Variants in GYS2 observed in about 807,000 individuals in gnomAD.
The protein encoded by GYS2 is glycogen synthase 2.
In GYS2, 80 loss-of-function variants were observed where a neutral mutation model predicts 85.6. The observed-to-expected ratio is 0.93, with a 90% CI of 0.78 to 1.13. GYS2 has a LOEUF of 1.13. Among genes scored for constraint, GYS2 ranks in the 50% most tolerant of loss-of-function variants. GYS2 has a pLI of 0.00. For missense variants in GYS2, 881 were observed against 854.9 expected, an observed-to-expected ratio of 1.03 and a Z score of -0.38; for synonymous variants, 328 against 300.7, an observed-to-expected ratio of 1.09 and a Z score of -0.94.
chr12:21,561,996 T>C (rs542499139), intron 7 of GYS2, among the ~76,000 whole-genome samples: 114 of 152,356 alleles, frequency 7.5e-4, no homozygotes, highest in African/African-American at 2.4e-3. Flanking sequence ...CCTGTGAATA[T>C]TTTCCTATTA....
At position 21,556,245 on chromosome 12, in the gene GYS2, C is replaced by T. The variant is rs1345704622; in HGVS notation, c.1422+1955G>A. 4.6e-5 allele frequency among the ~76,000 whole-genome samples: 7 copies of T among 152,048 alleles called. No homozygotes were observed. In the East Asian group the frequency reaches 1.4e-3, roughly 29 times the overall value. On this transcript the variant is annotated intron_variant, in intron 11 of 15. Coordinates refer to ENST00000261195, the MANE Select transcript of GYS2 (RefSeq NM_021957.4). ...CCATGCTGGAGGGCAGTGGCACAAT[C>T]GCAGCCTCTACCTCCAGGGCCCAAG...
Position 21,546,369 on chromosome 12 carries a change from G to A in GYS2, c.1524C>T (p.Tyr508=). 1.9e-6 allele frequency: 3 copies of A among 1,603,276 alleles called. No individual in the cohort carries two copies. The highest frequency in any genetic ancestry group is 2.6e-6 in the Non-Finnish European group (3 of 1,170,676). The part of the protein sequence containing the change: ...RGCHLGVFPS[Y]YEPWGYTPAE... ...CTGGAGTATAACCCCAGGGTTCATAGTATGATGGAAATACTCCAAGATGAC... is the reference window on the plus strand; with the variant it reads ...CTGGAGTATAACCCCAGGGTTCATAATATGATGGAAATACTCCAAGATGAC... The change falls in exon 12 of 16, where the codon TAC becomes TAT. Residue 508 remains tyrosine (Y), a synonymous_variant. Transcript: ENST00000261195.
chr12:21,537,017 T>G lies in GYS2; in HGVS notation c.2049A>C (p.Ser683=). 12 of 1,614,062 alleles carry G rather than the reference T, an allele frequency of 7.4e-6. No individual in the cohort carries two copies. The highest frequency in any genetic ancestry group is 1.0e-5 in the Non-Finnish European group (12 of 1,179,954). ...EAERDRLNIK[S]PFSLSHVPHG... ...GAGGAACGTGGCTCAGTGAAAATGG[T>G]GACTTGATATTTAACCGATCCCTTT... The change falls in exon 16 of 16, where the codon TCA becomes TCC. Residue 683 remains serine (S), a synonymous_variant. Coordinates refer to ENST00000261195, the MANE Select transcript of GYS2 (RefSeq NM_021957.4).
chr12:21,578,390 A>G (rs959799103), intron 2 of GYS2, among the ~76,000 whole-genome samples: 13 of 152,192 alleles, frequency 8.5e-5, no homozygotes, highest in African/African-American at 2.9e-4. Context: ...CCATTGCATG[A>G]ATGGTCAAAT....
chr12:21,549,569 G>C (rs2169745), intron 11 of GYS2, among the ~76,000 whole-genome samples: 108,893 of 152,136 alleles, frequency 0.72, 39,842 homozygotes, highest in South Asian at 0.8. Context: ...TTGTCACATC[G>C]CTTTAGAGTC....
chr12:21,573,766 T>C (rs1470490602), intron 4 of GYS2, among the ~76,000 whole-genome samples: 6 of 152,216 alleles, frequency 3.9e-5, no homozygotes, highest in Admixed American at 3.9e-4. Context: ...ATGTCTCAAA[T>C]CTCAATTATC....
intron 1 of GYS2, among the ~76,000 whole-genome samples, chr12:21,592,374 G>C (rs1417171791): frequency 6.6e-6 from 1 of 151,990 alleles, no homozygotes; most frequent in African/African-American, 2.4e-5. Context: ...ACAAAAATAT[G>C]ACCCAGTTGT....
At chr12:21,583,859 T>C (rs771496863) in intron 1 of GYS2, among the ~76,000 whole-genome samples, 5 of 152,186 alleles carry the variant, frequency 3.3e-5, no homozygotes, top group African/African-American at 9.7e-5. Flanking sequence ...ATATATGCGA[T>C]TGGGCTTGAG....
At chr12:21,567,670 A>G (rs569997544) in intron 5 of GYS2, among the ~76,000 whole-genome samples, 1 of 152,268 alleles carries the variant, frequency 6.6e-6, no homozygotes, top group Middle Eastern at 3.4e-3. Flanking sequence ...CGTTGCAAGT[A>G]ATATAAACCT....
intron 1 of GYS2, among the ~76,000 whole-genome samples, chr12:21,583,333 C>T (rs1944533494): frequency 6.6e-6 from 1 of 152,188 alleles, no homozygotes; most frequent in African/African-American, 2.4e-5. Context: ...CATTTGGCCA[C>T]TCTTACAACC....
chr12:21,541,549 G>A (rs904537516), intron 13 of GYS2, among the ~76,000 whole-genome samples: 1 of 152,016 alleles, frequency 6.6e-6, no homozygotes, highest in Non-Finnish European at 1.5e-5. Flanking sequence ...TCATTTCTAG[G>A]CAGCAGAAGG....
At chr12:21,543,646 A>T (rs1205221979) in intron 12 of GYS2, among the ~76,000 whole-genome samples, 1 of 152,046 alleles carries the variant, frequency 6.6e-6, no homozygotes, top group African/African-American at 2.4e-5. Context: ...TTACATAGGT[A>T]TACATGTGCT....
intron 2 of GYS2, among the ~76,000 whole-genome samples, chr12:21,576,381 C>T (rs1400725250): frequency 6.6e-6 from 1 of 152,126 alleles, no homozygotes; most frequent in Admixed American, 6.5e-5. Flanking sequence ...ATAGTGTCTG[C>T]TTTTATGACA....
intron 11 of GYS2, among the ~76,000 whole-genome samples, chr12:21,550,349 ACACC>A (rs1253358269): frequency 3.9e-4 from 39 of 99,784 alleles, no homozygotes; most frequent in Admixed American, 1.5e-3. Context: ...ACACACACAC[ACACC>A]CCTGGTTTTT....
chr12:21,554,036 A>G (rs1197028017), intron 11 of GYS2, among the ~76,000 whole-genome samples: 1 of 152,030 alleles, frequency 6.6e-6, no homozygotes, highest in African/African-American at 2.4e-5. Context: ...TGCTGTGTGT[A>G]TATTTTTTGT....
At chr12:21,567,901 C>T (rs572041175) in intron 5 of GYS2, among the ~76,000 whole-genome samples, 2 of 151,888 alleles carry the variant, frequency 1.3e-5, no homozygotes, top group African/African-American at 2.4e-5. Flanking sequence ...AGTGAAACCC[C>T]GTCTCTACTA....
At chr12:21,554,967 C>G (rs1347160560) in intron 11 of GYS2, among the ~76,000 whole-genome samples, 1 of 152,186 alleles carries the variant, frequency 6.6e-6, no homozygotes, top group East Asian at 1.9e-4. Context: ...GAACTATTGC[C>G]AGCTGCATGA....
chr12:21,574,320 C>T lies in GYS2; in HGVS notation c.502G>A (p.Asp168Asn), dbSNP rs1944420457. The T allele has an allele frequency of 6.2e-7, 1 of 1,612,310 alleles. No homozygotes were observed. ...ACGACATATTTACCATCTGCATGATCTGTCACCTACATTAGGAAAAAAAAA... is the reference window on the plus strand; with the variant it reads ...ACGACATATTTACCATCTGCATGATTTGTCACCTACATTAGGAAAAAAAAA... ...LTAWFLKEVT[D>N]HADGKYVVAQ... is the part of the protein sequence containing the mutation. The change falls in exon 4 of 16, where the codon GAT becomes AAT. Residue 168 changes from aspartate (D) to asparagine (N), a missense_variant. Transcript: ENST00000261195.
At position 21,537,344 on chromosome 12, in the gene GYS2, G is replaced by T. The variant is rs555521143; in HGVS notation, c.1891-169C>A. 5.2e-5 allele frequency: 34 copies of T among 650,838 alleles called. No homozygotes were observed. The African/African-American group carries it at 5.2e-4, about 10-fold the overall frequency. 40.3% of individuals were successfully genotyped at this position (650,838 alleles called of 1,614,324 possible). A position where few individuals can be genotyped will look rare whatever the true frequency, so the allele number is the denominator to read the frequency against. On this transcript the variant is annotated intron_variant, in intron 15 of 15. Transcript: ENST00000261195. ...TTTTGATACCACCAATCTCAAGAGG[G>T]ATTCATTCAATATATAGCTATTCTT...
Sources: gnomAD v4.1 joint callset for allele counts (sites outside exome capture counted in the v4.1 genomes callset) on GRCh38, gnomAD v4.1.1 for gene constraint, MANE v1.5 for transcripts, NCBI Gene and HGNC (gene_info 2026-07-23, HGNC 2026-07-21) for gene names.